Variants in NAV2 observed in about 807,000 individuals in gnomAD.
NAV2 encodes the protein neuron navigator 2, also known as helicase, APC down-regulated 1.
In NAV2, 54 loss-of-function variants were observed where a neutral mutation model predicts 223.2. That is an observed-to-expected ratio of 0.24 (90% CI 0.19 to 0.30). NAV2 has a LOEUF of 0.30. NAV2 is among the 10% of genes least tolerant of loss of function. The pLI is 1.00. For synonymous variants in NAV2, 1,279 were observed against 1,239.3 expected (o/e 1.03, Z -0.67); for missense variants, 2,806 against 3,147.5 (o/e 0.89, Z 2.60).
At chr11:19,776,656 G>C (rs1461027118) in intron 1 of NAV2, among the ~76,000 whole-genome samples, 1 of 150,388 alleles carries the variant, frequency 6.6e-6, no homozygotes, top group African/African-American at 2.4e-5. Context: ...GTGTGTGTGT[G>C]TGTGTGTGTG....
At chr11:19,380,957 G>A (rs1383194394) in intron 1 of NAV2, among the ~76,000 whole-genome samples, 1 of 151,258 alleles carries the variant, frequency 6.6e-6, no homozygotes, top group Non-Finnish European at 1.5e-5. Flanking sequence ...CCCCACTGCA[G>A]CCCCACCTCC....
intron 1 of NAV2, among the ~76,000 whole-genome samples, chr11:19,673,649 A>T (rs1439131325): frequency 6.6e-6 from 1 of 152,212 alleles, no homozygotes; most frequent in Non-Finnish European, 1.5e-5. Flanking sequence ...CCTGGCAATG[A>T]TTTTAAATAG....
At chr11:19,633,111 C>T (rs1353876874) in intron 1 of NAV2, among the ~76,000 whole-genome samples, 3 of 149,636 alleles carry the variant, frequency 2.0e-5, no homozygotes, top group Non-Finnish European at 4.5e-5. Flanking sequence ...GCAGAGGCCC[C>T]TCAGAAGACA....
At chr11:19,803,626 G>A (rs1565344230) in intron 1 of NAV2, among the ~76,000 whole-genome samples, 1 of 152,226 alleles carries the variant, frequency 6.6e-6, no homozygotes, top group Non-Finnish European at 1.5e-5. Context: ...TTGAGATAGA[G>A]CAGAATGCCC....
chr11:19,968,284 G>A (rs1395730259), intron 10 of NAV2, among the ~76,000 whole-genome samples: 6 of 152,146 alleles, frequency 3.9e-5, no homozygotes, highest in African/African-American at 9.7e-5. Flanking sequence ...TGCAACCTCC[G>A]CTCCTGGGTT....
rs199803985 is a variant in NAV2, at chr11:20,120,651, C to CCCT, written c.*2397_*2399dup. 4.0e-5 allele frequency: 5 copies of CCCT among 125,572 alleles called. No individual in the cohort carries two copies. The highest frequency in any genetic ancestry group is 6.3e-5 in the Non-Finnish European group (4 of 63,660). The allele number at this position is 125,572 out of a possible 1,614,324, so 7.8% of individuals were successfully genotyped here. ...CTCTTCTCCCCTTTCCCACAGACTT[C>CCCT]CCTCCTGGGTCCAGGTTCAGAACCA... On this transcript the variant is annotated 3_prime_UTR_variant, in exon 38 of 38. Coordinates refer to ENST00000349880, the MANE Select transcript of NAV2 (RefSeq NM_145117.5).
In NAV2 at chr11:20,044,979, G is replaced by C; in HGVS notation, c.3211G>C (p.Asp1071His). Reference protein sequence around the residue: ...LKTPGTGKTDDAKVSEKGRLS... With the variant: ...LKTPGTGKTDHAKVSEKGRLS... Reference sequence around the variant, plus strand: ...GATCTCTCTCTTAGGAAAAACAGACGACGCAAAGGTGTCTGAGAAAGGAAG... The same window carrying C: ...GATCTCTCTCTTAGGAAAAACAGACCACGCAAAGGTGTCTGAGAAAGGAAG... Residue 1071 changes from aspartate (D) to histidine (H), a missense_variant, in exon 14 of 38, where the codon GAC becomes CAC. Around this residue, in one of 4 missense-constraint regions of NAV2, gnomAD observed 742 missense variants for 777.9 expected, o/e 0.95. Coordinates refer to ENST00000349880, the MANE Select transcript of NAV2 (RefSeq NM_145117.5). 6.2e-7 allele frequency: 1 copy of C among 1,604,734 alleles called. No homozygotes were observed. Among genetic ancestry groups the C allele is most frequent in the Non-Finnish European group, 8.5e-7 (1 of 1,176,748 alleles).
chr11:20,077,431 G>A (rs900976032), intron 22 of NAV2, 121 bp from the exon 23 acceptor site: 4 of 675,906 alleles, frequency 5.9e-6, no homozygotes, highest in Admixed American at 4.9e-5. Flanking sequence ...GATTCAAGAG[G>A]AGGCTGAAAA....
chr11:19,582,362 T>G (rs976094861), intron 1 of NAV2, among the ~76,000 whole-genome samples: 1 of 152,304 alleles, frequency 6.6e-6, no homozygotes, highest in East Asian at 1.9e-4. Flanking sequence ...AGAAGCTCTT[T>G]AGTTTAATTA....
intron 1 of NAV2, among the ~76,000 whole-genome samples, chr11:19,537,600 T>C (rs922709048): frequency 6.6e-6 from 1 of 152,228 alleles, no homozygotes; most frequent in African/African-American, 2.4e-5. Context: ...GGCTTTAGAA[T>C]TGGCTCAGCA....
chr11:19,932,536 C>T (rs1469045230), intron 6 of NAV2, among the ~76,000 whole-genome samples: 1 of 152,158 alleles, frequency 6.6e-6, no homozygotes, highest in African/African-American at 2.4e-5. Flanking sequence ...CCAGGCTGGT[C>T]TTGAATTCCT....
intron 2 of NAV2, among the ~76,000 whole-genome samples, chr11:19,836,826 G>A (rs1361215202): frequency 6.6e-6 from 1 of 152,180 alleles, no homozygotes; most frequent in Non-Finnish European, 1.5e-5. Context: ...TCAAGGTGCT[G>A]GCAGATTCTA....
At chr11:19,708,808 A>G (rs1011013840), upstream of NAV2, among the ~76,000 whole-genome samples, 3 of 151,958 alleles carry the variant, frequency 2.0e-5, no homozygotes, top group South Asian at 6.2e-4. Context: ...GCAAGTTCTG[A>G]GCCAGAAGAA....
intron 1 of NAV2, among the ~76,000 whole-genome samples, chr11:19,429,960 TTGAG>T: frequency 6.6e-6 from 1 of 152,238 alleles, no homozygotes; most frequent in Non-Finnish European, 1.5e-5. Flanking sequence ...CAGCCTCATC[TTGAG>T]TAATTAGAAA....
intron 1 of NAV2, among the ~76,000 whole-genome samples, chr11:19,372,299 C>T (rs770915335): frequency 2.0e-5 from 3 of 152,172 alleles, no homozygotes; most frequent in Non-Finnish European, 2.9e-5. Context: ...GATTCCCTAG[C>T]TGAAAAGTGC....
At chr11:20,051,726 G>A (rs2058022760) in intron 17 of NAV2, among the ~76,000 whole-genome samples, 2 of 152,146 alleles carry the variant, frequency 1.3e-5, no homozygotes, top group South Asian at 2.1e-4. Context: ...TTGTAAGCTA[G>A]GACAAGAGCA....
intron 1 of NAV2, among the ~76,000 whole-genome samples, chr11:19,474,138 T>C (rs1477587318): frequency 6.6e-6 from 1 of 152,228 alleles, no homozygotes; most frequent in Non-Finnish European, 1.5e-5. Flanking sequence ...GGTTCTAGCC[T>C]ATGGAAGAAG....
chr11:19,669,442 C>G (rs7927862), intron 1 of NAV2, among the ~76,000 whole-genome samples: 111,197 of 152,246 alleles, frequency 0.73, 45,346 homozygotes, highest in Non-Finnish European at 0.91. Flanking sequence ...TCAATTTTAA[C>G]ATCACTGAAG....
intron 1 of NAV2, 172 bp downstream of exon 1, chr11:19,714,134 C>A (rs970964473): frequency 1.0e-6 from 1 of 989,742 alleles, no homozygotes; most frequent in Non-Finnish European, 1.5e-6. Context: ...GTGGGCCGGC[C>A]GGTGGGTGTG....
Sources: allele counts gnomAD v4.1 joint callset (sites outside exome capture counted in the v4.1 genomes callset), GRCh38; gene constraint gnomAD v4.1.1; regional missense constraint gnomAD v4.1.1; transcripts MANE v1.5; gene names NCBI Gene and HGNC (gene_info 2026-07-23, HGNC 2026-07-21).